PM20D2: variants seen among roughly 807,000 people sequenced by gnomAD.
PM20D2 encodes the protein peptidase M20 domain containing 2, also known as xaa-Arg dipeptidase.
Under a neutral mutation model 42.9 loss-of-function variants are expected in PM20D2, and 33 were observed. That is an observed-to-expected ratio of 0.77 (90% CI 0.58 to 1.03). PM20D2 has a LOEUF of 1.03. Among genes scored for constraint, PM20D2 ranks in the 50% least tolerant of loss-of-function variants. The pLI is 0.00. For synonymous variants in PM20D2, 250 were observed against 228.2 expected (o/e 1.10, Z -0.86); for missense variants, 548 against 557.0 (o/e 0.98, Z 0.16).
chr6:89,122,361 T>C, the PM20D2 span, among the ~76,000 whole-genome samples: 1 of 152,220 alleles, frequency 6.6e-6, no homozygotes, highest in Non-Finnish European at 1.5e-5. Flanking sequence ...GCTGTCACTA[T>C]TTCTTCCTAA....
At chr6:89,137,234 G>T in the PM20D2 span, among the ~76,000 whole-genome samples, 1 of 152,140 alleles carries the variant, frequency 6.6e-6, no homozygotes, top group Non-Finnish European at 1.5e-5. Flanking sequence ...TTTATAGAAA[G>T]AATTTCAGGC....
Position 89,161,847 on chromosome 6 carries a change from A to G in PM20D2, c.1113A>G (p.Gly371=). 6.2e-7 allele frequency: 1 copy of G among 1,613,794 alleles called. No homozygotes were observed. The highest frequency in any genetic ancestry group is 2.2e-5 in the East Asian group (1 of 44,882). Residue 371 remains glycine, a synonymous_variant, in exon 6 of 7, where the codon GGA becomes GGG. Transcript: ENST00000275072. ...VPGIHPYFHI[G]SNALNHTEQY... ...GAATTCATCCATATTTTCACATTGG[A>G]TCTAATGCCTTGAATCATACTGAAC...
At chr6:89,160,365 T>G (rs1771194696) in intron 5 of PM20D2, among the ~76,000 whole-genome samples, 1 of 152,246 alleles carries the variant, frequency 6.6e-6, no homozygotes, top group Admixed American at 6.5e-5. Context: ...TGGAAACTGT[T>G]CTAAATATTA....
upstream of PM20D2, chr6:89,145,978 G>T (rs1770517963): frequency 1.2e-5 from 6 of 509,572 alleles, no homozygotes; most frequent in Admixed American, 2.2e-4. Context: ...CGTTTCCCGC[G>T]CGGCGCCGGG....
At chr6:89,156,578 A>G (rs919714660) in intron 4 of PM20D2, among the ~76,000 whole-genome samples, 3 of 152,202 alleles carry the variant, frequency 2.0e-5, no homozygotes, top group African/African-American at 7.2e-5. Context: ...TAATTCTCAG[A>G]AAGCATATGT....
At chr6:89,119,566 G>A in the PM20D2 span, among the ~76,000 whole-genome samples, 2 of 152,200 alleles carry the variant, frequency 1.3e-5, no homozygotes, top group South Asian at 2.1e-4. Context: ...AGTTGGCTAG[G>A]GCTGCCATGA....
At chr6:89,105,530 T>C in the PM20D2 span, 2 of 1,598,122 alleles carry the variant, frequency 1.3e-6, no homozygotes, top group Non-Finnish European at 1.7e-6. Flanking sequence ...CATCTTCAAA[T>C]ATGACTAGCT....
At chr6:89,126,254 G>T in the PM20D2 span, among the ~76,000 whole-genome samples, 1 of 152,068 alleles carries the variant, frequency 6.6e-6, no homozygotes, top group Non-Finnish European at 1.5e-5. Flanking sequence ...AGTTAGCCAG[G>T]TGTGGTGACA....
chr6:89,147,035 CAAAT>C (rs1770604463), intron 1 of PM20D2, among the ~76,000 whole-genome samples: 1 of 152,130 alleles, frequency 6.6e-6, no homozygotes, highest in Admixed American at 6.5e-5. Flanking sequence ...TATTCGTCTC[CAAAT>C]AAATCTTTTG....
chr6:89,101,706 AT>A, the PM20D2 span, among the ~76,000 whole-genome samples: 7 of 147,012 alleles, frequency 4.8e-5, no homozygotes, highest in African/African-American at 1.5e-4. Flanking sequence ...TCAAAAAAAA[AT>A]AAAAATAAAA....
the PM20D2 span, among the ~76,000 whole-genome samples, chr6:89,099,413 T>TACAC: frequency 2.1e-5 from 3 of 140,032 alleles, no homozygotes; most frequent in African/African-American, 8.4e-5. Flanking sequence ...CATATATATA[T>TACAC]ACATATATAT....
the PM20D2 span, among the ~76,000 whole-genome samples, chr6:89,099,417 T>TATATATATGTGTGTATATATATACAC: frequency 7.6e-6 from 1 of 131,724 alleles, no homozygotes; most frequent in Non-Finnish European, 1.5e-5. Flanking sequence ...TATATATACA[T>TATATATATGTGTGTATATATATACAC]ATATATATGT....
At chr6:89,110,618 G>A in the PM20D2 span, among the ~76,000 whole-genome samples, 1 of 151,912 alleles carries the variant, frequency 6.6e-6, no homozygotes, top group African/African-American at 2.4e-5. Flanking sequence ...TTACTTGGGT[G>A]TAGAGAGGTG....
the PM20D2 span, among the ~76,000 whole-genome samples, chr6:89,107,783 C>CCT: frequency 6.6e-6 from 1 of 152,044 alleles, no homozygotes; most frequent in East Asian, 1.9e-4. Flanking sequence ...GATTCTCAGA[C>CCT]CTCTCTTGGA....
Position 89,149,367 on chromosome 6 carries a change from C to T in PM20D2, c.568C>T (p.Pro190Ser). The T allele has an allele frequency of 1.2e-6, 2 of 1,613,928 alleles. No individual in the cohort carries two copies. The highest frequency in any genetic ancestry group is 1.7e-4 in the Middle Eastern group (1 of 6,060). ...TNLDVVFMAH[P>S]SQENAAYLPD... ...TCTTGATGTTGTTTTTATGGCCCACCCATCACAAGAGAATGCTGCTTATCT... is the reference window on the plus strand; with the variant it reads ...TCTTGATGTTGTTTTTATGGCCCACTCATCACAAGAGAATGCTGCTTATCT... Residue 190 changes from proline (P) to serine (S), a missense_variant, in exon 2 of 7, where the codon CCA becomes TCA. Pro to Ser is a moderately conservative substitution (Grantham distance 74). Around this residue, in one of 3 missense-constraint regions of PM20D2, gnomAD observed 470 missense variants for 464.4 expected, o/e 1.01. Coordinates refer to ENST00000275072, the MANE Select transcript of PM20D2 (RefSeq NM_001010853.3).
chr6:89,155,991 TCTC>T (rs1262303578), intron 4 of PM20D2, among the ~76,000 whole-genome samples: 3 of 151,936 alleles, frequency 2.0e-5, no homozygotes, highest in Admixed American at 2.0e-4. Flanking sequence ...TTCAAACAAT[TCTC>T]CTGCCTCAGC....
At chr6:89,117,903 T>C in the PM20D2 span, 4 of 1,557,198 alleles carry the variant, frequency 2.6e-6, no homozygotes, top group Non-Finnish European at 3.5e-6. Context: ...CTTCCTCCGT[T>C]CCCTCCGGGT....
chr6:89,134,444 C>T, the PM20D2 span, among the ~76,000 whole-genome samples: 2 of 151,162 alleles, frequency 1.3e-5, no homozygotes, highest in Admixed American at 6.6e-5. Context: ...GACTGAACCC[C>T]CACACATCTT....
chr6:89,124,188 C>A, the PM20D2 span, among the ~76,000 whole-genome samples: 2 of 151,876 alleles, frequency 1.3e-5, no homozygotes, highest in Admixed American at 6.6e-5. Context: ...AAAACTTTCT[C>A]CCTAATGTAA....
Sources: allele counts gnomAD v4.1 joint callset (sites outside exome capture counted in the v4.1 genomes callset), GRCh38; gene constraint gnomAD v4.1.1; regional missense constraint gnomAD v4.1.1; transcripts MANE v1.5; gene names NCBI Gene and HGNC (gene_info 2026-07-23, HGNC 2026-07-21).